The following SH3RF3 variants were observed in gnomAD, a reference collection of about 807,000 sequenced individuals.
SH3RF3 encodes E3 ubiquitin-protein ligase SH3RF3.
SH3RF3 carries 29 observed loss-of-function variants against 66.3 expected under a neutral mutation model. The ratio of observed to expected loss-of-function variants is 0.44; its 90% CI spans 0.33 to 0.60. The LOEUF is 0.60. Ranked by LOEUF, SH3RF3 falls within the 20% of genes least tolerant of loss-of-function variation. The pLI is 0.04. For missense variants in SH3RF3, 1,194 were observed against 1,190.9 expected (o/e 1.00, Z -0.04); for synonymous variants, 583 against 532.0 (o/e 1.10, Z -1.32).
chr2:109,390,574 C>T (rs920742006), intron 3 of SH3RF3, among the ~76,000 whole-genome samples: 1 of 152,170 alleles, frequency 6.6e-6, no homozygotes, highest in Non-Finnish European at 1.5e-5. Flanking sequence ...CTCATTTCCC[C>T]GTGAGGACTA....
chr2:109,449,026 G>A (rs1357831012), intron 7 of SH3RF3, 144 bp from the exon 8 acceptor site: 1 of 930,620 alleles, frequency 1.1e-6, no homozygotes, highest in Non-Finnish European at 1.6e-6. Context: ...CATCTGTGAA[G>A]AGGCCAGGTC....
chr2:109,422,729 C>G (rs188707167), intron 5 of SH3RF3, among the ~76,000 whole-genome samples: 169 of 152,312 alleles, frequency 1.1e-3, no homozygotes, highest in Middle Eastern at 6.8e-3. Context: ...CCCAGAGGGT[C>G]TCAAGGTTGA....
rs142614850 is a variant in SH3RF3 at position 109,304,206 on chromosome 2, A to G, written c.574-43468A>G. ...TACAGTAGATCTCCAGAACTTACTC[A>G]TCTTGCAGAACTAAACTATAGTCTT... is the stretch of plus-strand genomic sequence containing the variant. On this transcript the variant is annotated intron_variant, in intron 1 of 9. Transcript: ENST00000309415. Among the ~76,000 whole-genome samples the G allele has an allele frequency of 1.0e-3, 157 of 152,244 alleles. 3 individuals carry two copies. The East Asian group carries it at 0.021, about 21-fold the overall frequency.
intron 2 of SH3RF3, among the ~76,000 whole-genome samples, chr2:109,366,065 GA>G (rs1235067017): frequency 1.3e-5 from 2 of 151,966 alleles, no homozygotes; most frequent in Non-Finnish European, 2.9e-5. Flanking sequence ...GAGATTATTT[GA>G]AAAATAGGAA....
At chr2:109,432,724 C>G in intron 6 of SH3RF3, 53 bp downstream of exon 6, 1 of 1,562,542 alleles carries the variant, frequency 6.4e-7, no homozygotes. Context: ...GGCCTGCACG[C>G]CTTACCGCTG....
chr2:109,350,202 G>C (rs1457824914), intron 2 of SH3RF3, among the ~76,000 whole-genome samples: 2 of 152,208 alleles, frequency 1.3e-5, no homozygotes, highest in African/African-American at 4.8e-5. Flanking sequence ...TAGCCGAGCA[G>C]GGGTCCATCT....
intron 1 of SH3RF3, among the ~76,000 whole-genome samples, chr2:109,147,511 C>T (rs1287028415): frequency 6.6e-6 from 1 of 152,160 alleles, no homozygotes; most frequent in Non-Finnish European, 1.5e-5. Flanking sequence ...GAAGCCCACA[C>T]TTGAAGGAAT....
intron 1 of SH3RF3, among the ~76,000 whole-genome samples, chr2:109,177,549 T>TGG (rs149915442): frequency 1.3e-5 from 2 of 150,026 alleles, no homozygotes; most frequent in East Asian, 2.0e-4. Flanking sequence ...TCACCTGCTC[T>TGG]GGGGGGGGGC....
intron 1 of SH3RF3, among the ~76,000 whole-genome samples, chr2:109,343,640 G>A (rs973579089): frequency 3.3e-5 from 5 of 152,124 alleles, no homozygotes; most frequent in African/African-American, 4.8e-5. Flanking sequence ...CTCGAGCCCA[G>A]CAGGTGGGTT....
At chr2:109,458,623 ATGTGACTGTGGAGGCTGGCAAGCC>A (rs1678131420) in intron 8 of SH3RF3, among the ~76,000 whole-genome samples, 1 of 147,866 alleles carries the variant, frequency 6.8e-6, no homozygotes, top group Non-Finnish European at 1.5e-5. Context: ...TTAAGGAATT[ATGTGACTGTGGAGGCTGGCAAGCC>A]TGAATTCTGT....
At chr2:109,245,509 A>G (rs1243485401) in intron 1 of SH3RF3, among the ~76,000 whole-genome samples, 1 of 152,264 alleles carries the variant, frequency 6.6e-6, no homozygotes, top group African/African-American at 2.4e-5. Context: ...AGAGTCAACT[A>G]GAAATAAAAA....
At chr2:109,227,143 G>A (rs1388737259) in intron 1 of SH3RF3, among the ~76,000 whole-genome samples, 2 of 152,188 alleles carry the variant, frequency 1.3e-5, no homozygotes, top group African/African-American at 4.8e-5. Flanking sequence ...CCGGCTGAGT[G>A]AACTGATGGC....
chr2:109,251,233 C>T (rs528300560), intron 1 of SH3RF3, among the ~76,000 whole-genome samples: 2 of 152,130 alleles, frequency 1.3e-5, no homozygotes, highest in Admixed American at 1.3e-4. Flanking sequence ...GAACTCCTTA[C>T]CTTGGGTTAT....
At chr2:109,259,280 G>C (rs1680295986) in intron 1 of SH3RF3, among the ~76,000 whole-genome samples, 1 of 152,224 alleles carries the variant, frequency 6.6e-6, no homozygotes, top group Admixed American at 6.5e-5. Flanking sequence ...GCTGGCTCCT[G>C]AACAACTGGC....
intron 8 of SH3RF3, among the ~76,000 whole-genome samples, chr2:109,465,514 T>C (rs187619190): frequency 1.3e-5 from 2 of 152,376 alleles, no homozygotes; most frequent in Non-Finnish European, 1.5e-5. Context: ...TTTTGGATTT[T>C]GCCATCCTAA....
At chr2:109,301,073 C>G (rs1236607346) in intron 1 of SH3RF3, among the ~76,000 whole-genome samples, 4 of 152,212 alleles carry the variant, frequency 2.6e-5, no homozygotes, top group African/African-American at 9.6e-5. Context: ...GTGCCCAGTA[C>G]AGTAAATTCT....
In SH3RF3 at chr2:109,129,628, C is replaced by CGACGGCGGCGTCG; in HGVS notation, c.90_102dup (p.Ala35ThrfsTer182). The CGACGGCGGCGTCG allele has an allele frequency of 6.7e-7, 1 of 1,490,638 alleles. No individual in the cohort carries two copies. The highest frequency in any genetic ancestry group is 8.9e-7 in the Non-Finnish European group (1 of 1,128,572). The allele number at this position is 1,490,638 out of a possible 1,614,324, so 92.3% of individuals were successfully genotyped here. On this transcript the variant is annotated frameshift_variant, in exon 1 of 10. Coordinates refer to ENST00000309415, the MANE Select transcript of SH3RF3 (RefSeq NM_001099289.3). LOFTEE classifies it high-confidence loss of function. ...GGGCGACGAGGACAGGCCAGGCGAG[C>CGACGGCGGCGTCG]GACGGCGGCGTCGGGCGGCGGCCAC...
intron 3 of SH3RF3, among the ~76,000 whole-genome samples, chr2:109,373,299 A>G (rs1683314091): frequency 6.6e-6 from 1 of 152,248 alleles, no homozygotes; most frequent in Non-Finnish European, 1.5e-5. Flanking sequence ...GGACATTTTT[A>G]GCTGGCCAAA....
chr2:109,345,212 G>A lies in SH3RF3; in HGVS notation c.574-2462G>A, dbSNP rs535395152. Among the ~76,000 whole-genome samples the A allele has an allele frequency of 6.6e-5, 10 of 152,258 alleles. No homozygotes were observed. In the South Asian group the frequency reaches 1.2e-3, roughly 19 times the overall value. ...CTGCCACACTACCTAAGTTGGGGCC[G>A]CAGTTACACAATGTGGGTGTGAGTG... On this transcript the variant is annotated intron_variant, in intron 1 of 9. Transcript: ENST00000309415.
Sources: allele counts gnomAD v4.1 joint callset (sites outside exome capture counted in the v4.1 genomes callset), GRCh38; gene constraint gnomAD v4.1.1; transcripts MANE v1.5; gene names NCBI Gene and HGNC (gene_info 2026-07-23, HGNC 2026-07-21).